MCM4: variants seen among roughly 807,000 people sequenced by gnomAD.
MCM4 encodes minichromosome maintenance complex component 4, also known as DNA replication licensing factor MCM4.
A neutral mutation model predicts 88.7 loss-of-function variants in MCM4; 60 were observed. The observed-to-expected ratio is 0.68, with a 90% CI of 0.55 to 0.84. The LOEUF is 0.84. MCM4 is among the 40% of genes least tolerant of loss of function. The pLI, the probability that MCM4 is intolerant of heterozygous loss-of-function variation, is 0.00. For synonymous variants in MCM4, 465 were observed against 410.5 expected, an observed-to-expected ratio of 1.13 and a Z score of -1.61; for missense variants, 1,149 against 1,105.5, an observed-to-expected ratio of 1.04 and a Z score of -0.56.
chr8:47,965,438 C>T (rs1241891556), intron 8 of MCM4, among the ~76,000 whole-genome samples: 1 of 152,096 alleles, frequency 6.6e-6, no homozygotes, highest in African/African-American at 2.4e-5. Flanking sequence ...CCACTGTACT[C>T]CAGTCTGGGC....
Position 47,972,756 on chromosome 8 carries a change from C to T in MCM4, c.1929-101C>T, listed in dbSNP as rs10095249. The T allele has an allele frequency of 8.6e-3, 6,956 of 812,646 alleles. 302 individuals are homozygous for T. In the African/African-American group the frequency reaches 0.095, roughly 11 times the overall value. 50.3% of individuals were successfully genotyped at this position (812,646 alleles called of 1,614,324 possible). ...ATTTTTAGTAGAGACAAGGTTTCACCGTGTTGGCCAGGCTGGTCTCAAACT... is the reference window on the plus strand; with the variant it reads ...ATTTTTAGTAGAGACAAGGTTTCACTGTGTTGGCCAGGCTGGTCTCAAACT... On this transcript the variant is annotated intron_variant, in intron 13 of 16. Coordinates refer to ENST00000649973, the MANE Select transcript of MCM4 (RefSeq NM_182746.3).
In MCM4 at chr8:47,967,470, A is replaced by G. The variant is rs1313516646; in HGVS notation, c.1159A>G (p.Arg387Gly). 2 of 1,614,220 alleles carry G rather than the reference A, an allele frequency of 1.2e-6. No homozygotes were observed. The highest frequency in any genetic ancestry group is 2.2e-5 in the South Asian group (2 of 91,076). The change falls in exon 10 of 17, where the codon AGA becomes GGA. Residue 387 changes from arginine to glycine, a missense_variant. Arg to Gly is a moderately radical substitution (Grantham distance 125, BLOSUM62 -2). This residue lies in a region of MCM4 where 906 missense variants were observed against 843.0 expected (regional missense o/e 1.07). Transcript: ENST00000649973. The stretch of plus-strand genomic sequence containing the variant: ...CGTTGACAAGGTCCAGCCTGGGGAC[A>G]GAGTGAATGTTACAGGTAAGAGTGT... ...DLVDKVQPGD[R>G]VNVTGIYRAV...
chr8:47,972,533 AGTTTTTTTGTT>A (rs1395778159), intron 13 of MCM4, among the ~76,000 whole-genome samples: 2 of 152,014 alleles, frequency 1.3e-5, no homozygotes, highest in Non-Finnish European at 2.9e-5. Context: ...CTAGGAAAAC[AGTTTTTTTGTT>A]GTTGTTTTGG....
chr8:47,972,887 T>A lies in MCM4; in HGVS notation c.1959T>A (p.Pro653=). The A allele has an allele frequency of 6.2e-7, 1 of 1,614,214 alleles. No individual in the cohort carries two copies. The change falls in exon 14 of 17, where the codon CCT becomes CCA. Residue 653 remains proline, a synonymous_variant. Coordinates refer to ENST00000649973, the MANE Select transcript of MCM4 (RefSeq NM_182746.3). ...ATTTGATCTTCCTCTTGCTGGACCC[T>A]CAGGACGAAGCCTATGACAGGCGTC... ...RFDLIFLLLD[P]QDEAYDRRLA...
At chr8:47,971,177 A>G (rs2090950556) in intron 12 of MCM4, 164 bp from the exon 13 acceptor site, 2 of 776,798 alleles carry the variant, frequency 2.6e-6, no homozygotes, top group African/African-American at 1.7e-5. Flanking sequence ...ATCTGAGGAC[A>G]GGGCTTATCC....
intron 14 of MCM4, 82 bp from the exon 15 acceptor site, chr8:47,974,652 C>T: frequency 9.4e-7 from 1 of 1,058,986 alleles, no homozygotes; most frequent in Non-Finnish European, 1.4e-6. Flanking sequence ...TAATGGAAGC[C>T]TAAGTGTTCA....
At chr8:47,964,310 C>T (rs886342199) in intron 7 of MCM4, among the ~76,000 whole-genome samples, 3 of 152,148 alleles carry the variant, frequency 2.0e-5, no homozygotes, top group African/African-American at 7.2e-5. Flanking sequence ...AAATCTTTTT[C>T]CCTTCTAATA....
In MCM4 at chr8:47,972,971, C is replaced by A; in HGVS notation, c.2043C>A (p.Leu681=). ...GCGAGGAGCAGGCAGAGGAGGAGCT[C>A]CTGGACATGGCGGTGCTAAAGGACT... ...YQSEEQAEEE[L]LDMAVLKDYI... is the part of the protein sequence containing the mutation. The change falls in exon 14 of 17, where the codon CTC becomes CTA. Residue 681 remains leucine (L), a synonymous_variant. Transcript: ENST00000649973. 1 of 1,614,172 alleles carries A rather than the reference C, an allele frequency of 6.2e-7. No individual in the cohort carries two copies. The highest frequency in any genetic ancestry group is 2.2e-5 in the East Asian group (1 of 44,882).
rs1563832933 is a variant in MCM4, at chr8:47,967,409, A to G, written c.1098A>G (p.Thr366=). ...CGGAAGACATGCCTGCAGGGCAGACACCACACACAGTTATCCTGTTTGCTC... is the reference window on the plus strand; with the variant it reads ...CGGAAGACATGCCTGCAGGGCAGACGCCACACACAGTTATCCTGTTTGCTC... ...ESPEDMPAGQ[T]PHTVILFAHN... Residue 366 remains threonine, a synonymous_variant, in exon 10 of 17, where the codon ACA becomes ACG. Coordinates refer to ENST00000649973, the MANE Select transcript of MCM4 (RefSeq NM_182746.3). The G allele has an allele frequency of 2.5e-6, 4 of 1,614,190 alleles. No homozygotes were observed. The highest frequency in any genetic ancestry group is 2.7e-5 in the African/African-American group (2 of 75,056).
Position 47,961,584 on chromosome 8 carries a change from G to T in MCM4, c.139G>T (p.Glu47Ter). The T allele has an allele frequency of 6.2e-7, 1 of 1,614,186 alleles. No homozygotes were observed. Residue 47 changes from glutamate to a stop codon, truncating the protein, a stop_gained, in exon 3 of 17, where the codon GAG becomes TAG. Transcript: ENST00000649973. LOFTEE classifies it high-confidence loss of function. ...RRGEDSTSTG[E>*]LQPMPTSPGV... ...AGGCGAGGATTCCACCTCCACGGGGGAGTTGCAGCCGATGCCAACCTCGCC... is the reference window on the plus strand; with the variant it reads ...AGGCGAGGATTCCACCTCCACGGGGTAGTTGCAGCCGATGCCAACCTCGCC...
In MCM4 at chr8:47,972,809, G is replaced by T. The variant is rs780556045; in HGVS notation, c.1929-48G>T. 8 of 1,502,004 alleles carry T rather than the reference G, an allele frequency of 5.3e-6. No homozygotes were observed. The East Asian group carries it at 1.9e-4, about 35-fold the overall frequency. The allele number at this position is 1,502,004 out of a possible 1,614,324, so 93.0% of individuals were successfully genotyped here. On this transcript the variant is annotated intron_variant, in intron 13 of 16. Coordinates refer to ENST00000649973, the MANE Select transcript of MCM4 (RefSeq NM_182746.3). ...CAACCTCAGGTGATCCACCTGCCTCGGCCTCACAAGGTGCTGGAAAAACAG... is the reference window on the plus strand; with the variant it reads ...CAACCTCAGGTGATCCACCTGCCTCTGCCTCACAAGGTGCTGGAAAAACAG...
rs1245551141 is a variant in MCM4 at position 47,974,852 on chromosome 8, A to G, written c.2255A>G (p.Lys752Arg). The change falls in exon 15 of 17, where the codon AAA (lysine) becomes AGA (arginine). Residue 752 changes from lysine (K) to arginine (R), a missense_variant. Coordinates refer to ENST00000649973, the MANE Select transcript of MCM4 (RefSeq NM_182746.3). Reference protein sequence around the residue: ...EAHAKVRLSNKVEAIDVEEAK... With the variant: ...EAHAKVRLSNRVEAIDVEEAK... Reference sequence around the variant, plus strand: ...CATGCTAAAGTAAGATTGTCTAACAAAGTTGAAGCCATTGATGTGGAAGAG... The same window carrying G: ...CATGCTAAAGTAAGATTGTCTAACAGAGTTGAAGCCATTGATGTGGAAGAG... 6.2e-7 allele frequency: 1 copy of G among 1,614,136 alleles called. No homozygotes were observed. Among genetic ancestry groups the G allele is most frequent in the Non-Finnish European group, 8.5e-7 (1 of 1,180,058 alleles).
intron 10 of MCM4, among the ~76,000 whole-genome samples, 181 bp downstream of exon 10, chr8:47,967,666 C>G (rs2090912612): frequency 6.6e-6 from 1 of 152,078 alleles, no homozygotes; most frequent in African/African-American, 2.4e-5. Flanking sequence ...GTACCATGGC[C>G]CAGCAGTATG....
At chr8:47,970,197 T>C (rs2090939815) in intron 11 of MCM4, 140 bp downstream of exon 11, 1 of 967,178 alleles carries the variant, frequency 1.0e-6, no homozygotes, top group Admixed American at 2.3e-5. Context: ...GCAACCTGAC[T>C]TGCCATTGGT....
Position 47,969,895 on chromosome 8 carries a change from G to T in MCM4, c.1272G>T (p.Thr424=), listed in dbSNP as rs376248536. The change falls in exon 11 of 17, where the codon ACG becomes ACT. Residue 424 remains threonine (T), a synonymous_variant. Coordinates refer to ENST00000649973, the MANE Select transcript of MCM4 (RefSeq NM_182746.3). Reference sequence around the variant, plus strand: ...TTGATGTCATTCATTATCGGAAAACGGATGCAAAACGTCTGCATGGCCTTG... The same window carrying T: ...TTGATGTCATTCATTATCGGAAAACTGATGCAAAACGTCTGCATGGCCTTG... ...THIDVIHYRK[T]DAKRLHGLDE... The T allele has an allele frequency of 3.7e-6, 6 of 1,614,086 alleles. No homozygotes were observed. In the African/African-American group the frequency reaches 8.0e-5, roughly 22 times the overall value.
Position 47,961,441 on chromosome 8 carries a change from C to T in MCM4, c.71-75C>T. ...TTGGTTCAGTGGTGAGTCATAATGC[C>T]CCAAGGAAAAGACAAATCCAGGAAG... is the stretch of plus-strand genomic sequence containing the variant. On this transcript the variant is annotated intron_variant, in intron 2 of 16. Coordinates refer to ENST00000649973, the MANE Select transcript of MCM4 (RefSeq NM_182746.3). 2.5e-6 allele frequency: 4 copies of T among 1,609,968 alleles called. No individual in the cohort carries two copies. In the South Asian group the frequency reaches 4.4e-5, roughly 18 times the overall value.
At chr8:47,961,879 C>G (rs906196537) in intron 3 of MCM4, 174 bp from the exon 4 acceptor site, 4 of 894,706 alleles carry the variant, frequency 4.5e-6, no homozygotes, top group Admixed American at 5.6e-5. Context: ...GAGGAAGCAG[C>G]TTCTCTGGTG....
At chr8:47,962,252 G>A (rs375756300) in intron 4 of MCM4, 36 bp downstream of exon 4, 1 of 1,613,780 alleles carries the variant, frequency 6.2e-7, no homozygotes, top group African/African-American at 1.3e-5. Flanking sequence ...TCTTATGGCG[G>A]GTATCATGTG....
rs752585290 is a variant in MCM4, at chr8:47,969,807, G to A, written c.1184G>A (p.Arg395Gln). ...GDRVNVTGIY[R>Q]AVPIRVNPRV... ...CTGGTTGTGCCCTCAGGCATCTATC[G>A]AGCTGTGCCTATTCGAGTCAATCCA... is the stretch of plus-strand genomic sequence containing the variant. Residue 395 changes from arginine (R) to glutamine (Q), a missense_variant, in exon 11 of 17, where the codon CGA becomes CAA. Physicochemically the swap from Arg to Gln is conservative, Grantham distance 43 (BLOSUM62 1). Transcript: ENST00000649973. 6.2e-6 allele frequency: 10 copies of A among 1,614,026 alleles called. No homozygotes were observed. The highest frequency in any genetic ancestry group is 5.5e-5 in the South Asian group (5 of 91,084).
Sources: gnomAD v4.1 joint callset for allele counts (sites outside exome capture counted in the v4.1 genomes callset) on GRCh38, gnomAD v4.1.1 for gene constraint, gnomAD v4.1.1 regional missense constraint, MANE v1.5 for transcripts, NCBI Gene and HGNC (gene_info 2026-07-23, HGNC 2026-07-21) for gene names.